Variants in ZDHHC14 observed in about 807,000 individuals in gnomAD.
ZDHHC14 encodes the protein zDHHC palmitoyltransferase 14, also known as palmitoyltransferase ZDHHC14.
A neutral mutation model predicts 47.7 loss-of-function variants in ZDHHC14; 16 were observed. The ratio of observed to expected loss-of-function variants is 0.34; its 90% confidence interval spans 0.23 to 0.51. The LOEUF is 0.51. ZDHHC14 is among the 20% of genes least tolerant of loss of function. ZDHHC14 has a pLI of 0.97. For synonymous variants in ZDHHC14, 293 were observed against 278.9 expected, an observed-to-expected ratio of 1.05 and a Z score of -0.50; for missense variants, 515 against 662.5, an observed-to-expected ratio of 0.78 and a Z score of 2.44.
intron 1 of ZDHHC14, among the ~76,000 whole-genome samples, chr6:157,450,516 T>TAAA (rs35262370): frequency 7.7e-4 from 106 of 137,706 alleles, no homozygotes; most frequent in African/African-American, 6.7e-4. Flanking sequence ...GACTCCGTCT[T>TAAA]AAAAAAAAAA....
intron 1 of ZDHHC14, among the ~76,000 whole-genome samples, chr6:157,420,243 G>C (rs1483391534): frequency 3.0e-5 from 4 of 131,870 alleles, no homozygotes; most frequent in Non-Finnish European, 6.4e-5. Flanking sequence ...GGGCTGAATC[G>C]AGGCACTGAT....
Position 157,542,758 on chromosome 6 carries a change from G to A in ZDHHC14, c.406+13G>A. The A allele has an allele frequency of 1.2e-6, 2 of 1,613,016 alleles. No homozygotes were observed. The highest frequency in any genetic ancestry group is 8.5e-7 in the Non-Finnish European group (1 of 1,179,472). Reference sequence around the variant, plus strand: ...GAAAGGCAAATAGGTAACACTGAAAGTCTGCCCATGGCCTCTGGTCACTTC... The same window carrying A: ...GAAAGGCAAATAGGTAACACTGAAAATCTGCCCATGGCCTCTGGTCACTTC... On this transcript the variant is annotated intron_variant, in intron 2 of 8. Coordinates refer to ENST00000359775, the MANE Select transcript of ZDHHC14 (RefSeq NM_024630.3).
intron 8 of ZDHHC14, among the ~76,000 whole-genome samples, chr6:157,662,010 G>A (rs567500942): frequency 8.9e-4 from 135 of 151,708 alleles, no homozygotes; most frequent in African/African-American, 3.1e-3. Flanking sequence ...TCTTGGAAAA[G>A]CATAAGCCAG....
chr6:157,524,131 AT>A (rs879683007), intron 1 of ZDHHC14, among the ~76,000 whole-genome samples: 4,820 of 142,730 alleles, frequency 0.034, 182 homozygotes, highest in African/African-American at 0.1. Flanking sequence ...TTGATTGGCA[AT>A]TTTTTTTTTT....
At chr6:157,506,872 C>T (rs1001480836) in intron 1 of ZDHHC14, among the ~76,000 whole-genome samples, 1 of 151,882 alleles carries the variant, frequency 6.6e-6, no homozygotes, top group Non-Finnish European at 1.5e-5. Context: ...GTGAATGTGG[C>T]CATTGATAAG....
intron 3 of ZDHHC14, among the ~76,000 whole-genome samples, chr6:157,603,714 C>T (rs1410369349): frequency 1.3e-5 from 2 of 152,190 alleles, no homozygotes; most frequent in African/African-American, 4.8e-5. Context: ...CAAGGCTCGG[C>T]CCCGGGCGTT....
At chr6:157,607,095 A>G (rs976803555) in intron 3 of ZDHHC14, among the ~76,000 whole-genome samples, 5 of 152,186 alleles carry the variant, frequency 3.3e-5, no homozygotes, top group Non-Finnish European at 7.3e-5. Context: ...TATGTTAGAA[A>G]CATCGTCTTT....
chr6:157,558,335 T>A (rs1782563612), intron 2 of ZDHHC14, among the ~76,000 whole-genome samples: 1 of 152,160 alleles, frequency 6.6e-6, no homozygotes, highest in Admixed American at 6.5e-5. Flanking sequence ...TGCCTGGTAT[T>A]CTGATGGTTC....
chr6:157,546,976 T>G (rs1562473687), intron 2 of ZDHHC14, among the ~76,000 whole-genome samples: 2 of 152,224 alleles, frequency 1.3e-5, no homozygotes, highest in African/African-American at 4.8e-5. Context: ...AAGCGCCTCT[T>G]CCAAGCCACA....
intron 1 of ZDHHC14, among the ~76,000 whole-genome samples, chr6:157,438,893 T>A (rs1262573281): frequency 6.6e-6 from 1 of 152,222 alleles, no homozygotes; most frequent in East Asian, 1.9e-4. Flanking sequence ...ATATATTTTA[T>A]AAGTGATAAA....
chr6:157,673,187 G>T lies in ZDHHC14; in HGVS notation c.*65G>T, dbSNP rs912881663. ...CATGGGCAGCAGGAGTGAGCGGAGG[G>T]GTGTGTCCCACAGCGACTTTCCCAG... On this transcript the variant is annotated 3_prime_UTR_variant, in exon 9 of 9. Transcript: ENST00000359775. The surrounding 1 kb of genome is among the most constrained non-coding windows in gnomAD (Gnocchi z 5.4). 1.4e-6 allele frequency: 2 copies of T among 1,477,814 alleles called. No homozygotes were observed. The highest frequency in any genetic ancestry group is 1.4e-5 in the African/African-American group (1 of 69,094). The allele number at this position is 1,477,814 out of a possible 1,614,324, so 91.5% of individuals were successfully genotyped here.
At chr6:157,440,574 T>G (rs1778542471) in intron 1 of ZDHHC14, among the ~76,000 whole-genome samples, 1 of 152,102 alleles carries the variant, frequency 6.6e-6, no homozygotes, top group Non-Finnish European at 1.5e-5. Flanking sequence ...CCAAAACAAT[T>G]GAATACAAAT....
chr6:157,491,544 TATA>T (rs1218085867), intron 1 of ZDHHC14, among the ~76,000 whole-genome samples: 3 of 151,904 alleles, frequency 2.0e-5, no homozygotes, highest in African/African-American at 4.9e-5. Flanking sequence ...TGAATACTTT[TATA>T]ATGAGATTAT....
intron 5 of ZDHHC14, among the ~76,000 whole-genome samples, chr6:157,637,770 T>G (rs889928639): frequency 9.2e-5 from 14 of 152,154 alleles, no homozygotes; most frequent in Admixed American, 8.5e-4. Context: ...ATAAAAATAT[T>G]TTGACGAGAA....
intron 8 of ZDHHC14, among the ~76,000 whole-genome samples, chr6:157,664,897 G>C (rs1181571487): frequency 6.6e-6 from 1 of 152,160 alleles, no homozygotes; most frequent in Non-Finnish European, 1.5e-5. Context: ...TGGTCCTCCT[G>C]AACGGACCAG....
Position 157,647,266 on chromosome 6 carries a change from G to C in ZDHHC14, c.863G>C (p.Gly288Ala), listed in dbSNP as rs1392810902. The stretch of plus-strand genomic sequence containing the variant: ...ACTTTCCTTTTCTTTCAGATTAAAG[G>C]ATCCTGGTCAAATAAAAGAGGTAAA... ...SNQTTNEDIK[G>A]SWSNKRGKEN... The change falls in exon 7 of 9, where the codon GGA becomes GCA. Residue 288 changes from glycine (G) to alanine (A), a missense_variant. Physicochemically the swap from Gly to Ala is moderately conservative, Grantham distance 60. Around this residue, in one of 4 missense-constraint regions of ZDHHC14, gnomAD observed 229 missense variants for 351.5 expected, o/e 0.65. Coordinates refer to ENST00000359775, the MANE Select transcript of ZDHHC14 (RefSeq NM_024630.3). The C allele has an allele frequency of 6.2e-7, 1 of 1,612,932 alleles. No homozygotes were observed.
intron 3 of ZDHHC14, 28 bp from the exon 4 acceptor site, chr6:157,628,321 T>A: frequency 7.1e-7 from 1 of 1,405,278 alleles, no homozygotes. Flanking sequence ...GATTTCCACT[T>A]TTTTTTTTTT....
At chr6:157,391,159 A>G (rs1350019563) in intron 1 of ZDHHC14, among the ~76,000 whole-genome samples, 1 of 151,974 alleles carries the variant, frequency 6.6e-6, no homozygotes, top group Non-Finnish European at 1.5e-5. Flanking sequence ...CCCTGGAAAA[A>G]CTCTGGAGGT....
chr6:157,615,454 C>T (rs1378746635), intron 3 of ZDHHC14, among the ~76,000 whole-genome samples: 1 of 152,212 alleles, frequency 6.6e-6, no homozygotes, highest in Non-Finnish European at 1.5e-5. Context: ...TGCTGCTGGG[C>T]TGGCCAGCAC....
Sources: gnomAD v4.1 joint callset for allele counts (sites outside exome capture counted in the v4.1 genomes callset) on GRCh38, gnomAD v4.1.1 for gene constraint, gnomAD v4.1.1 regional missense constraint, Gnocchi (gnomAD v3.1) non-coding constraint, MANE v1.5 for transcripts, NCBI Gene and HGNC (gene_info 2026-07-23, HGNC 2026-07-21) for gene names.